The following VASN variants were observed in gnomAD, a reference collection of about 807,000 sequenced individuals.
The protein encoded by VASN is protein slit-like 2.
A neutral mutation model predicts 4.8 loss-of-function variants in VASN; 5 were observed. That is an observed-to-expected ratio of 1.03 (90% CI 0.54 to 2.17). The LOEUF (loss-of-function observed/expected upper bound fraction) is 2.17. VASN is among the 30% of genes most tolerant of loss of function. The probability of loss-of-function intolerance (pLI) is 0.01; values close to 1 mark genes in which losing one functional copy is unlikely to be tolerated. For missense variants in VASN, 927 were observed against 948.8 expected, an observed-to-expected ratio of 0.98 and a Z score of 0.30; for synonymous variants, 499 against 460.8, an observed-to-expected ratio of 1.08 and a Z score of -1.06.
At position 4,382,160 on chromosome 16, in the gene VASN, T is replaced by C. The variant is rs770899387; in HGVS notation, c.1283T>C (p.Leu428Pro). The stretch of plus-strand genomic sequence containing the variant: ...TGCCACCTGGGGACACGGCACCACC[T>C]GGCGTGCTTGTGCCCCGAAGGCTTC... Reference protein sequence around the residue: ...GTCHLGTRHHLACLCPEGFTG... With the variant: ...GTCHLGTRHHPACLCPEGFTG... Residue 428 changes from leucine (L) to proline (P), a missense_variant, in exon 2 of 2, where the codon CTG (leucine) becomes CCG (proline). Transcript: ENST00000304735. 23 of 1,593,286 alleles carry C rather than the reference T, an allele frequency of 1.4e-5. No individual in the cohort carries two copies. Among genetic ancestry groups the C allele is most frequent in the Non-Finnish European group, 1.9e-5 (22 of 1,171,124 alleles).
Position 4,382,221 on chromosome 16 carries a change from G to A in VASN, c.1344G>A (p.Gly448=), listed in dbSNP as rs760717890. 4 of 1,605,120 alleles carry A rather than the reference G, an allele frequency of 2.5e-6. No homozygotes were observed. The highest frequency in any genetic ancestry group is 3.4e-6 in the Non-Finnish European group (4 of 1,177,602). ...GLYCESQMGQ[G]TRPSPTPVTP... ...ACTGTGAGAGCCAGATGGGGCAGGG[G>A]ACACGGCCCAGCCCTACACCAGTCA... Residue 448 remains glycine (G), a synonymous_variant, in exon 2 of 2, where the codon GGG becomes GGA. Transcript: ENST00000304735.
intron 1 of VASN, among the ~76,000 whole-genome samples, chr16:4,379,754 T>C (rs2054881786): frequency 6.6e-6 from 1 of 151,626 alleles, no homozygotes; most frequent in South Asian, 2.1e-4. Flanking sequence ...CAAGAAACAG[T>C]AGACGAAGCC....
chr16:4,378,091 C>A (rs2054813590), intron 1 of VASN, among the ~76,000 whole-genome samples: 1 of 152,160 alleles, frequency 6.6e-6, no homozygotes. Flanking sequence ...GTGAAGAGCA[C>A]CCCCCAGCAC....
chr16:4,383,287 G>A lies in VASN; in HGVS notation c.*388G>A. On this transcript the variant is annotated 3_prime_UTR_variant, in exon 2 of 2. Coordinates refer to ENST00000304735, the MANE Select transcript of VASN (RefSeq NM_138440.3). ...TCCCGGAAAGAGCAGAGGGAGAGCG[G>A]GTAGGCGGCTGTGTGACTCTAGTCT... is the stretch of plus-strand genomic sequence containing the variant. 1 of 235,028 alleles carries A rather than the reference G, an allele frequency of 4.3e-6. No homozygotes were observed. The highest frequency in any genetic ancestry group is 9.4e-5 in the East Asian group (1 of 10,660). The allele number at this position is 235,028 out of a possible 1,614,324, so 14.6% of individuals were successfully genotyped here. A position where few individuals can be genotyped will look rare whatever the true frequency, so the allele number is the denominator to read the frequency against.
Position 4,382,740 on chromosome 16 carries a change from C to T in VASN, c.1863C>T (p.Pro621=), listed in dbSNP as rs899553507. 1.9e-6 allele frequency: 3 copies of T among 1,555,662 alleles called. No individual in the cohort carries two copies. Among genetic ancestry groups the T allele is most frequent in the African/African-American group, 1.4e-5 (1 of 73,276 alleles). The change falls in exon 2 of 2, where the codon CCC becomes CCT. Residue 621 remains proline, a synonymous_variant. Coordinates refer to ENST00000304735, the MANE Select transcript of VASN (RefSeq NM_138440.3). Reference sequence around the variant, plus strand: ...GGCAGGTGGGGCCAGGGGCTGGGCCCCTGGAACTGGAGGGAGTGAAGGTCC... The same window carrying T: ...GGCAGGTGGGGCCAGGGGCTGGGCCTCTGGAACTGGAGGGAGTGAAGGTCC... The part of the protein sequence containing the change: ...DKGQVGPGAG[P]LELEGVKVPL...
At position 4,383,025 on chromosome 16, in the gene VASN, A is replaced by T; in HGVS notation, c.*126A>T. The T allele has an allele frequency of 1.9e-6, 2 of 1,071,050 alleles. No homozygotes were observed. The highest frequency in any genetic ancestry group is 2.6e-6 in the Non-Finnish European group (2 of 765,768). 66.3% of individuals were successfully genotyped at this position (1,071,050 alleles called of 1,614,324 possible). On this transcript the variant is annotated 3_prime_UTR_variant, in exon 2 of 2. Coordinates refer to ENST00000304735, the MANE Select transcript of VASN (RefSeq NM_138440.3). ...GGATGTGTGCAGACAGGGCTGTGTG[A>T]CCACAGCTGGGCCCTGTTCCCTCTG...
At chr16:4,377,974 G>C (rs1437295787) in intron 1 of VASN, among the ~76,000 whole-genome samples, 2 of 152,286 alleles carry the variant, frequency 1.3e-5, no homozygotes, top group Admixed American at 6.5e-5. Flanking sequence ...GCCACCCTGT[G>C]GCCAGATGGA....
chr16:4,374,658 T>C (rs1269597432), intron 1 of VASN, among the ~76,000 whole-genome samples: 1 of 152,190 alleles, frequency 6.6e-6, no homozygotes, highest in Non-Finnish European at 1.5e-5. Context: ...GGCCAGGTCC[T>C]GTTCTGCCTC....
rs1001600891 is a variant in VASN, at chr16:4,383,169, G to A, written c.*270G>A. ...GCCCTCCGCAACGTGCAGTCCCTGG[G>A]CACGGCGGGCCCTGCCATGTGCTGG... On this transcript the variant is annotated 3_prime_UTR_variant, in exon 2 of 2. Coordinates refer to ENST00000304735, the MANE Select transcript of VASN (RefSeq NM_138440.3). 5 of 429,154 alleles carry A rather than the reference G, an allele frequency of 1.2e-5. No individual in the cohort carries two copies. Among genetic ancestry groups the A allele is most frequent in the Non-Finnish European group, 2.1e-5 (5 of 236,226 alleles). 26.6% of individuals were successfully genotyped at this position (429,154 alleles called of 1,614,324 possible). A position where few individuals can be genotyped will look rare whatever the true frequency, so the allele number is the denominator to read the frequency against.
chr16:4,381,826 C>G lies in VASN; in HGVS notation c.949C>G (p.His317Asp). The change falls in exon 2 of 2, where the codon CAC becomes GAC. Residue 317 changes from histidine to aspartate, a missense_variant. His to Asp is a moderately conservative substitution (Grantham distance 81). Transcript: ENST00000304735. The part of the protein sequence containing the change: ...SWFGPWVRES[H>D]VTLASPEETR... Reference sequence around the variant, plus strand: ...GTTTGGCCCCTGGGTGCGCGAGAGCCACGTCACACTGGCCAGCCCTGAGGA... The same window carrying G: ...GTTTGGCCCCTGGGTGCGCGAGAGCGACGTCACACTGGCCAGCCCTGAGGA... 6.2e-7 allele frequency: 1 copy of G among 1,601,114 alleles called. No individual in the cohort carries two copies. Among genetic ancestry groups the G allele is most frequent in the South Asian group, 1.1e-5 (1 of 91,052 alleles).
Position 4,382,731 on chromosome 16 carries a change from G to C in VASN, c.1854G>C (p.Gly618=), listed in dbSNP as rs377338448. ...AAQDKGQVGP[G]AGPLELEGVK... ...AGGACAAAGGGCAGGTGGGGCCAGGGGCTGGGCCCCTGGAACTGGAGGGAG... is the reference window on the plus strand; with the variant it reads ...AGGACAAAGGGCAGGTGGGGCCAGGCGCTGGGCCCCTGGAACTGGAGGGAG... The change falls in exon 2 of 2, where the codon GGG becomes GGC. Residue 618 remains glycine, a synonymous_variant. Transcript: ENST00000304735. 103 of 1,553,844 alleles carry C rather than the reference G, an allele frequency of 6.6e-5. No individual in the cohort carries two copies. The African/African-American group carries it at 1.4e-3, about 21-fold the overall frequency.
At chr16:4,374,576 G>T (rs1055455670) in intron 1 of VASN, among the ~76,000 whole-genome samples, 3 of 152,136 alleles carry the variant, frequency 2.0e-5, no homozygotes, top group Admixed American at 1.3e-4. Flanking sequence ...GGCCGCTGGG[G>T]CCCCTGCTGG....
chr16:4,381,710 C>T lies in VASN; in HGVS notation c.833C>T (p.Ala278Val). 1.2e-6 allele frequency: 2 copies of T among 1,607,532 alleles called. No individual in the cohort carries two copies. The highest frequency in any genetic ancestry group is 8.5e-7 in the Non-Finnish European group (1 of 1,179,386). ...ELDVSNLSLQ[A>V]LPGDLSGLFP... ...GATGTGAGCAACCTAAGCCTGCAGGCCCTGCCTGGCGACCTCTCGGGCCTC... is the reference window on the plus strand; with the variant it reads ...GATGTGAGCAACCTAAGCCTGCAGGTCCTGCCTGGCGACCTCTCGGGCCTC... Residue 278 changes from alanine (A) to valine (V), a missense_variant, in exon 2 of 2, where the codon GCC becomes GTC. Physicochemically the swap from Ala to Val is moderately conservative, Grantham distance 64. Transcript: ENST00000304735.
rs374950103 is a variant in VASN at position 4,382,627 on chromosome 16, G to T, written c.1750G>T (p.Ala584Ser). The change falls in exon 2 of 2, where the codon GCG becomes TCG. Residue 584 changes from alanine to serine, a missense_variant. Physicochemically the swap from Ala to Ser is moderately conservative, Grantham distance 99. Coordinates refer to ENST00000304735, the MANE Select transcript of VASN (RefSeq NM_138440.3). ...GCTCCTCATTGCGCCCGCCCTGGCC[G>T]CGGTGCTCCTGGCCGCGCTGGCTGC... ...LPLLIAPALA[A>S]VLLAALAAVG... is the part of the protein sequence containing the mutation. The T allele has an allele frequency of 1.3e-6, 2 of 1,571,808 alleles. No individual in the cohort carries two copies. Among genetic ancestry groups the T allele is most frequent in the South Asian group, 1.2e-5 (1 of 86,388 alleles).
rs764132142 is a variant in VASN at position 4,381,239 on chromosome 16, G to A, written c.362G>A (p.Arg121His). The change falls in exon 2 of 2, where the codon CGT becomes CAT. Residue 121 changes from arginine (R) to histidine (H), a missense_variant. By Grantham distance (29) the Arg-to-His change is conservative. Transcript: ENST00000304735. ...RLHEITNETFRGLRRLERLYL... is the reference protein window; with the variant it reads ...RLHEITNETFHGLRRLERLYL... ...CATGAAATCACCAATGAGACCTTCCGTGGCCTGCGGCGCCTCGAGCGCCTC... is the reference window on the plus strand; with the variant it reads ...CATGAAATCACCAATGAGACCTTCCATGGCCTGCGGCGCCTCGAGCGCCTC... 66 of 1,611,882 alleles carry A rather than the reference G, an allele frequency of 4.1e-5. No individual in the cohort carries two copies. The highest frequency in any genetic ancestry group is 1.3e-4 in the South Asian group (12 of 90,982).
In VASN at chr16:4,382,738, C is replaced by T. The variant is rs1444242442; in HGVS notation, c.1861C>T (p.Pro621Ser). 3 of 1,554,814 alleles carry T rather than the reference C, an allele frequency of 1.9e-6. No homozygotes were observed. Among genetic ancestry groups the T allele is most frequent in the Middle Eastern group, 3.4e-4 (2 of 5,892 alleles). ...AGGGCAGGTGGGGCCAGGGGCTGGG[C>T]CCCTGGAACTGGAGGGAGTGAAGGT... is the stretch of plus-strand genomic sequence containing the variant. The part of the protein sequence containing the change: ...DKGQVGPGAG[P>S]LELEGVKVPL... Residue 621 changes from proline to serine, a missense_variant, in exon 2 of 2, where the codon CCC becomes TCC. Transcript: ENST00000304735.
In VASN at chr16:4,381,517, C is replaced by G. The variant is rs774317442; in HGVS notation, c.640C>G (p.Arg214Gly). ...GCAGCTGGACGAGGGGCTCTTCAGC[C>G]GCTTGCGCAACCTCCACGACCTGGA... ...LQQLDEGLFSRLRNLHDLDVS... is the reference protein window; with the variant it reads ...LQQLDEGLFSGLRNLHDLDVS... The change falls in exon 2 of 2, where the codon CGC becomes GGC. Residue 214 changes from arginine (R) to glycine (G), a missense_variant. Transcript: ENST00000304735. 3.1e-6 allele frequency: 5 copies of G among 1,598,882 alleles called. No homozygotes were observed. The highest frequency in any genetic ancestry group is 1.7e-4 in the Middle Eastern group (1 of 6,022).
At position 4,382,026 on chromosome 16, in the gene VASN, A is replaced by G. The variant is rs750620423; in HGVS notation, c.1149A>G (p.Thr383=). The G allele has an allele frequency of 1.9e-6, 3 of 1,601,688 alleles. No individual in the cohort carries two copies. Among genetic ancestry groups the G allele is most frequent in the South Asian group, 1.1e-5 (1 of 89,840 alleles). The change falls in exon 2 of 2, where the codon ACA becomes ACG. Residue 383 remains threonine, a synonymous_variant. Coordinates refer to ENST00000304735, the MANE Select transcript of VASN (RefSeq NM_138440.3). ...TGGCTCCTACCTGGCTTAGCCCCAC[A>G]GAGCCGGCCACTGAGGCCCCCAGCC... ...SSLAPTWLSP[T]EPATEAPSPP... is the part of the protein sequence containing the mutation.
Position 4,382,470 on chromosome 16 carries a change from C to T in VASN, c.1593C>T (p.Tyr531=). 2.5e-6 allele frequency: 4 copies of T among 1,607,004 alleles called. No homozygotes were observed. The highest frequency in any genetic ancestry group is 2.2e-5 in the South Asian group (2 of 90,128). Residue 531 remains tyrosine, a synonymous_variant, in exon 2 of 2, where the codon TAC becomes TAT. Transcript: ENST00000304735. The part of the protein sequence containing the change: ...TVTQLRPNAT[Y]SVCVMPLGPG... ...CCCAGCTGCGGCCCAACGCCACTTACTCCGTCTGTGTCATGCCTTTGGGGC... is the reference window on the plus strand; with the variant it reads ...CCCAGCTGCGGCCCAACGCCACTTATTCCGTCTGTGTCATGCCTTTGGGGC...
Sources: gnomAD v4.1 joint callset for allele counts (sites outside exome capture counted in the v4.1 genomes callset) on GRCh38, gnomAD v4.1.1 for gene constraint, MANE v1.5 for transcripts, NCBI Gene and HGNC (gene_info 2026-07-23, HGNC 2026-07-21) for gene names.